SHOC2: variants seen among roughly 807,000 people sequenced by gnomAD.
The protein encoded by SHOC2 is SHOC2 leucine rich repeat scaffold protein.
SHOC2 carries 4 observed loss-of-function variants against 50.2 expected under a neutral mutation model. The ratio of observed to expected loss-of-function variants is 0.08; its 90% CI spans 0.04 to 0.18. SHOC2 has a LOEUF of 0.18. Ranked by LOEUF, SHOC2 falls within the 10% of genes least tolerant of loss-of-function variation. The probability of loss-of-function intolerance (pLI) is 1.00; values close to 1 mark genes in which losing one functional copy is unlikely to be tolerated. For missense variants in SHOC2, 388 were observed against 669.6 expected (o/e 0.58, Z 4.64); for synonymous variants, 218 against 244.5 (o/e 0.89, Z 1.01).
chr10:110,970,360 G>A (rs1277703188), intron 2 of SHOC2, among the ~76,000 whole-genome samples: 1 of 152,122 alleles, frequency 6.6e-6, no homozygotes, highest in Non-Finnish European at 1.5e-5. Context: ...TCATGTTGCT[G>A]TGAATGACAG....
intron 1 of SHOC2, among the ~76,000 whole-genome samples, chr10:110,934,662 C>T (rs548049569): frequency 2.0e-5 from 3 of 152,214 alleles, no homozygotes; most frequent in Middle Eastern, 6.8e-3. Context: ...TTATATCTTA[C>T]ATGGTGACAA....
chr10:110,922,230 C>T (rs1846667375), intron 1 of SHOC2, among the ~76,000 whole-genome samples: 3 of 152,062 alleles, frequency 2.0e-5, no homozygotes, highest in Non-Finnish European at 4.4e-5. Flanking sequence ...ATCAGAGAGA[C>T]ATAAACTGGA....
At chr10:110,976,071 C>T (rs751650442) in intron 2 of SHOC2, among the ~76,000 whole-genome samples, 7 of 152,002 alleles carry the variant, frequency 4.6e-5, no homozygotes, top group Admixed American at 2.6e-4. Flanking sequence ...CTACCATACC[C>T]GGCTAATTTT....
intron 4 of SHOC2, among the ~76,000 whole-genome samples, chr10:111,003,884 T>A (rs1848423528): frequency 6.6e-6 from 1 of 152,338 alleles, no homozygotes; most frequent in Non-Finnish European, 1.5e-5. Context: ...CTTACCTATG[T>A]ACTTCTATAA....
chr10:110,964,230 A>G lies in SHOC2; in HGVS notation c.-129A>G. On this transcript the variant is annotated 5_prime_UTR_variant, in exon 2 of 9. Transcript: ENST00000369452. This position sits in a 1 kb window ranked among gnomAD's most constrained non-coding sequence, Gnocchi z 4.9. ...ATCCAACATGTAACAGATGGATGTT[A>G]CTCCATGCTGATTACTTCTTCAAGC... is the stretch of plus-strand genomic sequence containing the variant. 1 of 1,390,660 alleles carries G rather than the reference A, an allele frequency of 7.2e-7. No individual in the cohort carries two copies. Among genetic ancestry groups the G allele is most frequent in the African/African-American group, 1.5e-5 (1 of 68,554 alleles). The allele number at this position is 1,390,660 out of a possible 1,614,324, so 86.1% of individuals were successfully genotyped here.
intron 2 of SHOC2, among the ~76,000 whole-genome samples, chr10:110,985,048 A>G (rs1168517881): frequency 1.3e-5 from 2 of 152,184 alleles, no homozygotes; most frequent in African/African-American, 4.8e-5. Context: ...CTAACTGGAT[A>G]TTAAGAAGAT....
chr10:111,011,932 C>G lies in SHOC2; in HGVS notation c.*114C>G, dbSNP rs931728986. The G allele has an allele frequency of 2.5e-5, 22 of 879,806 alleles. No homozygotes were observed. The Admixed American group carries it at 2.7e-4, about 11-fold the overall frequency. 54.5% of individuals were successfully genotyped at this position (879,806 alleles called of 1,614,324 possible). A position where few individuals can be genotyped will look rare whatever the true frequency, so the allele number is the denominator to read the frequency against. ...GTATATGGCAGATTTATAAAAATTG[C>G]ATTATGTGTTTCTGCTAATAGAGGA... On this transcript the variant is annotated 3_prime_UTR_variant, in exon 9 of 9. Coordinates refer to ENST00000369452, the MANE Select transcript of SHOC2 (RefSeq NM_007373.4).
intron 4 of SHOC2, among the ~76,000 whole-genome samples, chr10:111,002,835 G>T (rs61864603): frequency 6.6e-6 from 1 of 151,948 alleles, no homozygotes; most frequent in Non-Finnish European, 1.5e-5. Context: ...AGAAATGAGA[G>T]CTTGAAGAGC....
intron 1 of SHOC2, among the ~76,000 whole-genome samples, chr10:110,937,524 A>G (rs1007968673): frequency 1.3e-5 from 2 of 152,170 alleles, no homozygotes; most frequent in Non-Finnish European, 2.9e-5. Context: ...AGTTTGTTGA[A>G]GAAGTAGTTT....
chr10:110,966,191 C>T lies in SHOC2; in HGVS notation c.703+1130C>T, dbSNP rs890571130. 7.9e-5 allele frequency among the ~76,000 whole-genome samples: 12 copies of T among 152,080 alleles called. No individual in the cohort carries two copies. In the South Asian group the frequency reaches 1.7e-3, roughly 21 times the overall value. On this transcript the variant is annotated intron_variant, in intron 2 of 8. Coordinates refer to ENST00000369452, the MANE Select transcript of SHOC2 (RefSeq NM_007373.4). ...ATGACTTGTTACATTTAACTCTTAA[C>T]TAGACAATCCAAATATTAATTAAAT...
chr10:110,958,372 C>T (rs1847508304), intron 1 of SHOC2, among the ~76,000 whole-genome samples: 1 of 152,054 alleles, frequency 6.6e-6, no homozygotes, highest in Admixed American at 6.6e-5. Context: ...CACCACCACG[C>T]CCAGCTAATT....
chr10:111,011,260 T>G (rs186896136), intron 8 of SHOC2, among the ~76,000 whole-genome samples: 1 of 152,306 alleles, frequency 6.6e-6, no homozygotes, highest in East Asian at 1.9e-4. Flanking sequence ...AAAATATATA[T>G]AAGTAAATGT....
At chr10:110,969,755 A>T (rs1324118498) in intron 2 of SHOC2, among the ~76,000 whole-genome samples, 2 of 152,218 alleles carry the variant, frequency 1.3e-5, no homozygotes, top group Non-Finnish European at 2.9e-5. Context: ...TATGTAGTAT[A>T]TAATTTCATG....
intron 1 of SHOC2, among the ~76,000 whole-genome samples, chr10:110,955,237 G>T (rs1737139130): frequency 6.6e-6 from 1 of 152,164 alleles, no homozygotes; most frequent in Non-Finnish European, 1.5e-5. Flanking sequence ...TGAGAGCTTG[G>T]AGTACGGTGA....
chr10:110,933,909 C>T lies in SHOC2; in HGVS notation c.-235+14252C>T, dbSNP rs549476738. ...AAGTTTGGATTTTTTTGTGAGGCTC[C>T]CAAAGATTAAATTCTGGCAAATTAA... On this transcript the variant is annotated intron_variant, in intron 1 of 8. Coordinates refer to ENST00000369452, the MANE Select transcript of SHOC2 (RefSeq NM_007373.4). Among the ~76,000 whole-genome samples, 7 of 151,924 alleles carry T rather than the reference C, an allele frequency of 4.6e-5. No homozygotes were observed. The South Asian group carries it at 1.0e-3, about 23-fold the overall frequency.
chr10:110,963,809 A>G (rs1349640274), intron 1 of SHOC2, among the ~76,000 whole-genome samples: 1 of 152,232 alleles, frequency 6.6e-6, no homozygotes, highest in African/African-American at 2.4e-5. Context: ...TCCTCAGAAT[A>G]ATGCTAGTAC....
At chr10:110,931,605 GTTAATT>G (rs1486777288) in intron 1 of SHOC2, among the ~76,000 whole-genome samples, 1 of 152,076 alleles carries the variant, frequency 6.6e-6, no homozygotes, top group Non-Finnish European at 1.5e-5. Flanking sequence ...GTGACCTGGA[GTTAATT>G]TTAAGTAGGA....
intron 1 of SHOC2, among the ~76,000 whole-genome samples, chr10:110,940,170 CAT>C (rs1484900337): frequency 5.9e-5 from 9 of 152,228 alleles, no homozygotes; most frequent in South Asian, 2.1e-4. Context: ...TTGAGATAGA[CAT>C]GTGGATTTTG....
intron 1 of SHOC2, among the ~76,000 whole-genome samples, chr10:110,940,139 T>A (rs1005914947): frequency 6.6e-6 from 1 of 152,154 alleles, no homozygotes; most frequent in Middle Eastern, 3.2e-3. Context: ...AGGACTGAAA[T>A]GATAGGAGAA....
Sources: allele counts gnomAD v4.1 joint callset (sites outside exome capture counted in the v4.1 genomes callset), GRCh38; gene constraint gnomAD v4.1.1; non-coding constraint Gnocchi (gnomAD v3.1); transcripts MANE v1.5; gene names NCBI Gene and HGNC (gene_info 2026-07-23, HGNC 2026-07-21).